Variants in ABCA1 observed in about 807,000 individuals in gnomAD.
ABCA1 encodes the protein ATP binding cassette subfamily A member 1.
ABCA1 carries 133 observed loss-of-function variants against 262.5 expected under a neutral mutation model. The ratio of observed to expected loss-of-function variants is 0.51; its 90% CI spans 0.44 to 0.59. The LOEUF (loss-of-function observed/expected upper bound fraction) is 0.59, where lower values mean the gene tolerates loss of function less well. Ranked by LOEUF, ABCA1 falls within the 20% of genes least tolerant of loss-of-function variation. The pLI, the probability that ABCA1 is intolerant of heterozygous loss-of-function variation, is 0.00. For synonymous variants in ABCA1, 1,022 were observed against 1,043.5 expected (o/e 0.98, Z 0.40); for missense variants, 2,452 against 2,777.5 (o/e 0.88, Z 2.63).
Position 104,831,723 on chromosome 9 carries a change from G to T in ABCA1, c.1614C>A (p.Phe538Leu). The change falls in exon 13 of 50, where the codon TTC (phenylalanine) becomes TTA (leucine). Residue 538 changes from phenylalanine (F) to leucine (L), a missense_variant. Phe to Leu is a conservative substitution (Grantham distance 22). Transcript: ENST00000374736. The part of the protein sequence containing the change: ...DERKFWAGIV[F>L]TGITPGSIEL... ...CAATGCTGCCTGGAGTAATTCCAGT[G>T]AACACAATACCAGCCCAGAACTTCC... 6.2e-7 allele frequency: 1 copy of T among 1,614,196 alleles called. No individual in the cohort carries two copies. Among genetic ancestry groups the T allele is most frequent in the African/African-American group, 1.3e-5 (1 of 75,042 alleles).
At chr9:104,853,976 C>A (rs1267596115) in intron 7 of ABCA1, among the ~76,000 whole-genome samples, 2 of 151,272 alleles carry the variant, frequency 1.3e-5, no homozygotes, top group Admixed American at 1.3e-4. Context: ...AGTTATGAAC[C>A]TCAAAATAAG....
At chr9:104,808,960 C>T (rs2777804) in intron 30 of ABCA1, among the ~76,000 whole-genome samples, 75,657 of 152,182 alleles carry the variant, frequency 0.5, 23,403 homozygotes, top group Non-Finnish European at 0.68. Context: ...TTTATTTATC[C>T]ACTGCTTACT....
chr9:104,870,162 G>T (rs1482088130), intron 5 of ABCA1, among the ~76,000 whole-genome samples: 3 of 152,118 alleles, frequency 2.0e-5, no homozygotes, highest in African/African-American at 7.2e-5. Context: ...ATAACTTTAG[G>T]AACCACACAT....
At chr9:104,888,915 C>T (rs945108983) in intron 3 of ABCA1, among the ~76,000 whole-genome samples, 187 bp downstream of exon 3, 1 of 152,240 alleles carries the variant, frequency 6.6e-6, no homozygotes, top group African/African-American at 2.4e-5. Flanking sequence ...TCACCATTCA[C>T]TAGGACTGAA....
chr9:104,856,717 A>G (rs1357862868), intron 7 of ABCA1, among the ~76,000 whole-genome samples: 3 of 152,256 alleles, frequency 2.0e-5, no homozygotes, highest in South Asian at 2.1e-4. Context: ...GAATGGGCAC[A>G]GCACCGGAAC....
chr9:104,840,260 G>A lies in ABCA1; in HGVS notation c.1054+19C>T. The A allele has an allele frequency of 6.2e-7, 1 of 1,614,034 alleles. No homozygotes were observed. The highest frequency in any genetic ancestry group is 8.5e-7 in the Non-Finnish European group (1 of 1,180,024). On this transcript the variant is annotated intron_variant, in intron 9 of 49. Transcript: ENST00000374736. The stretch of plus-strand genomic sequence containing the variant: ...GGGATGGGGTTGGGGACAGGGCTGG[G>A]GTCTGCATGGACACTCACTTGTAGA...
chr9:104,797,734 T>C (rs562439864), intron 37 of ABCA1, among the ~76,000 whole-genome samples: 105 of 152,350 alleles, frequency 6.9e-4, no homozygotes, highest in South Asian at 1.9e-3. Flanking sequence ...TGTATTCTCA[T>C]ATATCATCTT....
In ABCA1 at chr9:104,824,154, C is replaced by A. The variant is rs182023721; in HGVS notation, c.2656+311G>T. Among the ~76,000 whole-genome samples, 52 of 152,334 alleles carry A rather than the reference C, an allele frequency of 3.4e-4. 1 individual carries two copies. Among genetic ancestry groups the A allele is most frequent in the Non-Finnish European group, 4.0e-4 (27 of 68,038 alleles). ...GTTCCACAATCACGCTTGTCTTTACCTCTTTCTTCTAGCTTGTTAGGAGAC... is the reference window on the plus strand; with the variant it reads ...GTTCCACAATCACGCTTGTCTTTACATCTTTCTTCTAGCTTGTTAGGAGAC... On this transcript the variant is annotated intron_variant, in intron 18 of 49. Transcript: ENST00000374736.
chr9:104,785,639 C>T lies in ABCA1; in HGVS notation c.6402G>A (p.Arg2134=), dbSNP rs1828860675. Residue 2134 remains arginine (R), a splice_region_variant and synonymous_variant, in exon 49 of 50, where the codon AGG becomes AGA. Transcript: ENST00000374736. ...CAACTATTGTATAACCATCTCCAAACCTGAAAGCAGGAAAAAATACCCAAA... is the reference window on the plus strand; with the variant it reads ...CAACTATTGTATAACCATCTCCAAATCTGAAAGCAGGAAAAAATACCCAAA... ...CLGSVQHLKN[R]FGDGYTIVVR... The T allele has an allele frequency of 1.2e-6, 2 of 1,613,912 alleles. No homozygotes were observed.
At chr9:104,858,388 A>C in intron 7 of ABCA1, 134 bp downstream of exon 7, 1 of 972,844 alleles carries the variant, frequency 1.0e-6, no homozygotes. Context: ...TTAGAATACC[A>C]CTGAACTAAA....
intron 23 of ABCA1, among the ~76,000 whole-genome samples, chr9:104,818,235 T>A (rs1831952778): frequency 6.6e-6 from 1 of 152,236 alleles, no homozygotes; most frequent in Non-Finnish European, 1.5e-5. Flanking sequence ...CATTACTTTC[T>A]TTCATGCCCA....
rs145105484 is a variant in ABCA1, at chr9:104,829,011, T to G, written c.2020A>C (p.Met674Leu). 2.5e-5 allele frequency: 41 copies of G among 1,614,172 alleles called. No individual in the cohort carries two copies. In the East Asian group the frequency reaches 5.6e-4, roughly 22 times the overall value. The change falls in exon 15 of 50, where the codon ATG becomes CTG. Residue 674 changes from methionine (M) to leucine (L), a missense_variant. Met to Leu is a conservative substitution (Grantham distance 15). This residue lies in a region of ABCA1 where 1,032 missense variants were observed against 1,089.7 expected (regional missense o/e 0.95). Transcript: ENST00000374736. ...CAGAGGATGCTGTTGTCCAGGCCCA[T>G]GATCCGCATGGTCTCTTTCAGCCGT... ...EARLKETMRI[M>L]GLDNSILWFS...
intron 5 of ABCA1, among the ~76,000 whole-genome samples, chr9:104,871,040 C>T (rs1837561952): frequency 6.6e-6 from 1 of 152,118 alleles, no homozygotes; most frequent in Non-Finnish European, 1.5e-5. Flanking sequence ...GCCATCTGGG[C>T]GTATATGTGC....
chr9:104,862,063 CACACACACACACAT>C lies in ABCA1; in HGVS notation c.422-277_422-264del, dbSNP rs1278290491. 2.0e-5 allele frequency among the ~76,000 whole-genome samples: 3 copies of C among 149,466 alleles called. No individual in the cohort carries two copies. In the East Asian group the frequency reaches 6.6e-4, roughly 33 times the overall value. On this transcript the variant is annotated intron_variant, in intron 5 of 49. Coordinates refer to ENST00000374736, the MANE Select transcript of ABCA1 (RefSeq NM_005502.4). ...GATGGTGCTGTTACACACACACACA[CACACACACACACAT>C]ACACACACACACAGCCTTTCCTTTT...
intron 19 of ABCA1, among the ~76,000 whole-genome samples, chr9:104,821,851 T>G (rs1289768943): frequency 6.6e-6 from 1 of 152,150 alleles, no homozygotes; most frequent in Non-Finnish European, 1.5e-5. Flanking sequence ...TAAAAACAAT[T>G]TTTGTGTTAG....
intron 3 of ABCA1, 71 bp downstream of exon 3, chr9:104,889,031 T>G: frequency 7.3e-7 from 1 of 1,360,786 alleles, no homozygotes; most frequent in Non-Finnish European, 1.1e-6. Context: ...AAAAGTCCAA[T>G]TTAGCCCACG....
At chr9:104,880,728 T>C (rs941164085) in intron 5 of ABCA1, among the ~76,000 whole-genome samples, 16 of 152,018 alleles carry the variant, frequency 1.1e-4, no homozygotes, top group Admixed American at 4.6e-4. Flanking sequence ...AACAGAGAGA[T>C]GTAAAACAAG....
chr9:104,864,874 G>A (rs193002105), intron 5 of ABCA1, among the ~76,000 whole-genome samples: 6 of 152,324 alleles, frequency 3.9e-5, no homozygotes, highest in African/African-American at 1.4e-4. Flanking sequence ...CTCTGAAGAT[G>A]AGAACATCTG....
At chr9:104,797,608 G>A (rs1716699824) in intron 37 of ABCA1, among the ~76,000 whole-genome samples, 1 of 152,196 alleles carries the variant, frequency 6.6e-6, no homozygotes, top group Admixed American at 6.5e-5. Flanking sequence ...GCCATACAAG[G>A]ACAACCGGAT....
Sources: allele counts gnomAD v4.1 joint callset (sites outside exome capture counted in the v4.1 genomes callset), GRCh38; gene constraint gnomAD v4.1.1; regional missense constraint gnomAD v4.1.1; transcripts MANE v1.5; gene names NCBI Gene and HGNC (gene_info 2026-07-23, HGNC 2026-07-21).